Variants in ARHGAP18 observed in about 807,000 individuals in gnomAD.
ARHGAP18 encodes the protein rho GTPase-activating protein 18.
In ARHGAP18, 67 loss-of-function variants were observed where a neutral mutation model predicts 86.2. The observed-to-expected ratio is 0.78, with a 90% CI of 0.64 to 0.95. The LOEUF is 0.95. ARHGAP18 is among the 40% of genes least tolerant of loss of function. The pLI is 0.00. For synonymous variants in ARHGAP18, 283 were observed against 280.4 expected (o/e 1.01, Z -0.09); for missense variants, 691 against 780.4 (o/e 0.89, Z 1.37).
chr6:129,625,494 TAATA>T (rs1789388727), intron 5 of ARHGAP18, among the ~76,000 whole-genome samples: 1 of 58,804 alleles, frequency 1.7e-5, no homozygotes, highest in South Asian at 5.7e-4. Flanking sequence ...ATATTATATA[TAATA>T]TATATTTTAT....
At chr6:129,654,965 A>C (rs924029581) in intron 1 of ARHGAP18, among the ~76,000 whole-genome samples, 5 of 152,204 alleles carry the variant, frequency 3.3e-5, no homozygotes, top group African/African-American at 1.2e-4. Flanking sequence ...GGTGGAAGAA[A>C]GAACTGTTGT....
chr6:129,611,114 G>T (rs1186189034), intron 8 of ARHGAP18, among the ~76,000 whole-genome samples: 1 of 151,970 alleles, frequency 6.6e-6, no homozygotes, highest in East Asian at 1.9e-4. Context: ...GTTGCCCAAG[G>T]TGGTCTTGAA....
chr6:129,655,787 C>A (rs903142776), intron 1 of ARHGAP18, among the ~76,000 whole-genome samples: 3 of 152,134 alleles, frequency 2.0e-5, no homozygotes, highest in African/African-American at 7.2e-5. Flanking sequence ...TTTCTTAATG[C>A]AATAGTTTTA....
intron 3 of ARHGAP18, 35 bp downstream of exon 3, chr6:129,638,359 A>G: frequency 6.4e-7 from 1 of 1,572,162 alleles, no homozygotes; most frequent in African/African-American, 1.4e-5. Flanking sequence ...GTAAGCAATT[A>G]TTCCTTTGCC....
At chr6:129,607,402 T>C (rs1788876219) in intron 9 of ARHGAP18, among the ~76,000 whole-genome samples, 1 of 152,166 alleles carries the variant, frequency 6.6e-6, no homozygotes, top group Non-Finnish European at 1.5e-5. Flanking sequence ...CTTCCACCAA[T>C]GAGGCAGCAA....
At chr6:129,592,672 C>G (rs761735647) in intron 12 of ARHGAP18, among the ~76,000 whole-genome samples, 5 of 152,176 alleles carry the variant, frequency 3.3e-5, no homozygotes, top group South Asian at 2.1e-4. Context: ...TGTACCCTCA[C>G]TCTCATAAAT....
chr6:129,603,882 T>C (rs1420557943), intron 10 of ARHGAP18, among the ~76,000 whole-genome samples: 2 of 152,212 alleles, frequency 1.3e-5, no homozygotes, highest in Admixed American at 6.5e-5. Context: ...CCCTTAGACT[T>C]GCTGTAGCAA....
intron 1 of ARHGAP18, among the ~76,000 whole-genome samples, chr6:129,655,667 T>C (rs1250693447): frequency 6.6e-6 from 1 of 152,168 alleles, no homozygotes; most frequent in African/African-American, 2.4e-5. Flanking sequence ...ATGACTTCAG[T>C]TATTTGCAAA....
At chr6:129,707,643 G>A (rs1308864692) in intron 1 of ARHGAP18, among the ~76,000 whole-genome samples, 4 of 82,342 alleles carry the variant, frequency 4.9e-5, no homozygotes, top group Admixed American at 3.4e-4. Flanking sequence ...TTTGTTTGTG[G>A]TTTCTTGTTT....
chr6:129,625,624 ATTATATATAT>A (rs1789408756), intron 5 of ARHGAP18, among the ~76,000 whole-genome samples: 1 of 68,688 alleles, frequency 1.5e-5, no homozygotes, highest in African/African-American at 5.4e-5. Context: ...ATATTTATAT[ATTATATATAT>A]TTATATTATA....
Position 129,576,580 on chromosome 6 carries a change from A to C in ARHGAP18, c.*1933T>G, listed in dbSNP as rs1039498401. Reference sequence around the variant, plus strand: ...GGATTCAAAATAAAATGGCATTTTCACTTTTTTAAAATTAAGATACTTTTT... The same window carrying C: ...GGATTCAAAATAAAATGGCATTTTCCCTTTTTTAAAATTAAGATACTTTTT... On this transcript the variant is annotated 3_prime_UTR_variant, in exon 15 of 15. Transcript: ENST00000368149. The C allele has an allele frequency of 6.6e-6, 1 of 152,212 alleles. No homozygotes were observed. Among genetic ancestry groups the C allele is most frequent in the Non-Finnish European group, 1.5e-5 (1 of 68,032 alleles). The allele number at this position is 152,212 out of a possible 1,614,324, so 9.4% of individuals were successfully genotyped here.
intron 12 of ARHGAP18, among the ~76,000 whole-genome samples, chr6:129,584,670 G>T (rs1223810323): frequency 2.6e-5 from 4 of 152,154 alleles, no homozygotes; most frequent in Non-Finnish European, 4.4e-5. Context: ...TTTGCCCATG[G>T]ATGTGAAAAA....
At chr6:129,615,212 C>G (rs994942716) in intron 7 of ARHGAP18, among the ~76,000 whole-genome samples, 3 of 152,152 alleles carry the variant, frequency 2.0e-5, no homozygotes, top group African/African-American at 7.2e-5. Flanking sequence ...GAATATGTAG[C>G]CTGTATTTGT....
intron 1 of ARHGAP18, among the ~76,000 whole-genome samples, chr6:129,644,837 A>C (rs1258504591): frequency 6.6e-6 from 1 of 152,236 alleles, no homozygotes; most frequent in Non-Finnish European, 1.5e-5. Context: ...ACATAAATAC[A>C]CCATCTATAT....
rs183933170 is a variant in ARHGAP18, at chr6:129,639,714, C to T, written c.317-1085G>A. ...ACATAAGCCAGTGCTAGGCACTGTGCACACCAGACAACAAAAACAGTTTAC... is the reference window on the plus strand; with the variant it reads ...ACATAAGCCAGTGCTAGGCACTGTGTACACCAGACAACAAAAACAGTTTAC... On this transcript the variant is annotated intron_variant, in intron 2 of 14. Transcript: ENST00000368149. Among the ~76,000 whole-genome samples, 730 of 152,220 alleles carry T rather than the reference C, an allele frequency of 4.8e-3. 8 individuals are homozygous for T. The highest frequency in any genetic ancestry group is 0.016 in the African/African-American group (680 of 41,530).
chr6:129,626,065 TACACACACACACACACAC>T (rs71028169), intron 5 of ARHGAP18, among the ~76,000 whole-genome samples: 1 of 101,526 alleles, frequency 9.8e-6, no homozygotes, highest in Non-Finnish European at 1.9e-5. Context: ...TATACACATA[TACACACACACACACACAC>T]ACACACACAC....
chr6:129,689,393 A>G (rs1204194853), intron 1 of ARHGAP18, among the ~76,000 whole-genome samples: 3 of 152,164 alleles, frequency 2.0e-5, no homozygotes, highest in Non-Finnish European at 4.4e-5. Context: ...TCCCGGGTCA[A>G]GCAACTCTCC....
intron 8 of ARHGAP18, 87 bp from the exon 9 acceptor site, chr6:129,608,139 C>T (rs1389918428): frequency 1.4e-6 from 2 of 1,380,892 alleles, no homozygotes; most frequent in African/African-American, 1.5e-5. Flanking sequence ...CACATTTTCA[C>T]TTTCAAGAGA....
At chr6:129,676,755 C>T (rs1774237740) in intron 1 of ARHGAP18, among the ~76,000 whole-genome samples, 1 of 152,022 alleles carries the variant, frequency 6.6e-6, no homozygotes, top group Admixed American at 6.6e-5. Flanking sequence ...CACTTTACCG[C>T]TCCAACCTGC....
Sources: allele counts gnomAD v4.1 joint callset (sites outside exome capture counted in the v4.1 genomes callset), GRCh38; gene constraint gnomAD v4.1.1; transcripts MANE v1.5; gene names NCBI Gene and HGNC (gene_info 2026-07-23, HGNC 2026-07-21).